Variants in ERC1 observed in about 807,000 individuals in gnomAD.
ERC1 encodes RAB6 interacting protein 2.
ERC1 carries 56 observed loss-of-function variants against 132.0 expected under a neutral mutation model. That is an observed-to-expected ratio of 0.42 (90% CI 0.34 to 0.53). The LOEUF is 0.53. ERC1 is among the 20% of genes least tolerant of loss of function. The pLI is 0.03. For missense variants in ERC1, 1,202 were observed against 1,349.9 expected (o/e 0.89, Z 1.72); for synonymous variants, 478 against 476.1 (o/e 1.00, Z -0.05).
intron 16 of ERC1, 112 bp downstream of exon 16, chr12:1,372,089 A>G: frequency 8.7e-6 from 11 of 1,266,144 alleles, no homozygotes; most frequent in Non-Finnish European, 1.2e-5. Context: ...TAGACATCTG[A>G]TCATTGGAGC....
chr12:1,311,461 G>A (rs2081297537), intron 15 of ERC1, among the ~76,000 whole-genome samples: 1 of 152,180 alleles, frequency 6.6e-6, no homozygotes, highest in Non-Finnish European at 1.5e-5. Flanking sequence ...TAGCAAGAGA[G>A]ATATGCCTTT....
intron 9 of ERC1, among the ~76,000 whole-genome samples, chr12:1,181,078 G>A (rs919570530): frequency 6.6e-6 from 1 of 152,212 alleles, no homozygotes; most frequent in Non-Finnish European, 1.5e-5. Flanking sequence ...CTCCCAAAGT[G>A]TTGGGATTAC....
At chr12:1,152,030 C>G (rs990929348) in intron 8 of ERC1, 1 of 152,156 alleles carries the variant, frequency 6.6e-6, no homozygotes, top group Non-Finnish European at 1.5e-5. Context: ...GAAACCCTGT[C>G]TCTACTGAAA....
chr12:1,150,183 G>A (rs1298646561), intron 8 of ERC1, among the ~76,000 whole-genome samples: 1 of 152,188 alleles, frequency 6.6e-6, no homozygotes, highest in Non-Finnish European at 1.5e-5. Context: ...TCCTACTGAA[G>A]GAACTCAGAT....
intron 17 of ERC1, among the ~76,000 whole-genome samples, chr12:1,420,755 G>A (rs141051926): frequency 0.018 from 2,732 of 152,126 alleles, 46 homozygotes; most frequent in Non-Finnish European, 0.025. Context: ...ATGCCTGGCC[G>A]AGGTTAAACT....
At chr12:1,020,068 A>G (rs971057903) in intron 1 of ERC1, among the ~76,000 whole-genome samples, 3 of 152,156 alleles carry the variant, frequency 2.0e-5, no homozygotes, top group African/African-American at 7.2e-5. Flanking sequence ...AGGACATTTC[A>G]TATTGTGATC....
chr12:1,220,283 C>G (rs1003262874), intron 12 of ERC1, among the ~76,000 whole-genome samples: 9 of 152,138 alleles, frequency 5.9e-5, no homozygotes, highest in African/African-American at 2.2e-4. Context: ...CCCGCCTCCC[C>G]CTTTTAAAAA....
intron 1 of ERC1, among the ~76,000 whole-genome samples, chr12:1,003,764 G>A (rs1962923933): frequency 6.6e-6 from 1 of 152,214 alleles, no homozygotes; most frequent in South Asian, 2.1e-4. Flanking sequence ...GACTCAGACA[G>A]TTTATCTGTT....
chr12:1,062,235 G>A (rs952329190), intron 2 of ERC1, among the ~76,000 whole-genome samples: 7 of 151,990 alleles, frequency 4.6e-5, no homozygotes, highest in East Asian at 1.9e-4. Context: ...TGCCCGCCTC[G>A]GCCCCCGAAG....
At position 1,327,182 on chromosome 12, in the gene ERC1, T is replaced by C. The variant is rs527880182; in HGVS notation, c.2780+37170T>C. 2.2e-4 allele frequency among the ~76,000 whole-genome samples: 33 copies of C among 150,870 alleles called. 1 individual carries two copies. Among genetic ancestry groups the C allele is most frequent in the African/African-American group, 7.9e-4 (32 of 40,262 alleles). ...CAAATTAATTCAAATGTATAACCTC[T>C]TTATGATTTGAGGCCCACTCTGGAA... is the stretch of plus-strand genomic sequence containing the variant. On this transcript the variant is annotated intron_variant, in intron 15 of 18. Coordinates refer to ENST00000360905, the MANE Select transcript of ERC1 (RefSeq NM_178040.4).
chr12:1,316,390 G>A (rs1361033344), intron 15 of ERC1, among the ~76,000 whole-genome samples: 18 of 151,864 alleles, frequency 1.2e-4, no homozygotes, highest in Admixed American at 1.2e-3. Context: ...CATATACCAG[G>A]CATGGCTCTG....
intron 17 of ERC1, among the ~76,000 whole-genome samples, chr12:1,425,136 C>G (rs2092595096): frequency 6.6e-6 from 1 of 152,034 alleles, no homozygotes; most frequent in Non-Finnish European, 1.5e-5. Flanking sequence ...TCTTTGCTGC[C>G]AGGAGTATTA....
chr12:1,337,122 T>C (rs560597500), intron 15 of ERC1, among the ~76,000 whole-genome samples: 1 of 152,218 alleles, frequency 6.6e-6, no homozygotes, highest in South Asian at 2.1e-4. Context: ...GGCCTTAATC[T>C]TTGATCTAAT....
In ERC1 at chr12:1,492,368, G is replaced by C. The variant is rs2094325403; in HGVS notation, c.*2138G>C. On this transcript the variant is annotated 3_prime_UTR_variant, in exon 19 of 19. Coordinates refer to ENST00000360905, the MANE Select transcript of ERC1 (RefSeq NM_178040.4). ...CTCGCTTTATCCACCATAACGTAAA[G>C]AACTGCGGTGTGATAACAGCCTTCA... 4.3e-6 allele frequency: 1 copy of C among 233,114 alleles called. No homozygotes were observed. Among genetic ancestry groups the C allele is most frequent in the African/African-American group, 2.2e-5 (1 of 45,340 alleles). The allele number at this position is 233,114 out of a possible 1,614,324, so 14.4% of individuals were successfully genotyped here. A position where few individuals can be genotyped will look rare whatever the true frequency, so the allele number is the denominator to read the frequency against.
Position 1,090,866 on chromosome 12 carries a change from G to GTTA in ERC1, c.1086+7330_1086+7332dup, listed in dbSNP as rs746269720. ...TATTATTGTTGTTGTTGTTGTTGTTGTTATTATTATTATTATTATTATTAT... is the reference window on the plus strand; with the variant it reads ...TATTATTGTTGTTGTTGTTGTTGTTGTTATTATTATTATTATTATTATTATTAT... On this transcript the variant is annotated intron_variant, in intron 3 of 18. Coordinates refer to ENST00000360905, the MANE Select transcript of ERC1 (RefSeq NM_178040.4). Among the ~76,000 whole-genome samples the GTTA allele has an allele frequency of 6.0e-4, 16 of 26,618 alleles. 6 individuals carry two copies. The highest frequency in any genetic ancestry group is 1.3e-3 in the African/African-American group (12 of 9,484). The allele number at this position is 26,618 out of a possible 152,430, so 17.5% of individuals were successfully genotyped here.
chr12:1,225,759 C>G (rs1273475792), intron 12 of ERC1, among the ~76,000 whole-genome samples: 1 of 152,104 alleles, frequency 6.6e-6, no homozygotes, highest in Non-Finnish European at 1.5e-5. Flanking sequence ...CCCAAATAAC[C>G]AGGCTACTGC....
chr12:1,297,133 A>G (rs1283960521), intron 15 of ERC1, among the ~76,000 whole-genome samples: 1 of 151,926 alleles, frequency 6.6e-6, no homozygotes, highest in Non-Finnish European at 1.5e-5. Context: ...AAGGGAAACT[A>G]TGATAGCTGA....
intron 18 of ERC1, among the ~76,000 whole-genome samples, chr12:1,469,729 T>C (rs981906649): frequency 2.0e-5 from 3 of 152,184 alleles, no homozygotes; most frequent in African/African-American, 7.2e-5. Flanking sequence ...AACAAAATTC[T>C]CTGAGCTTTA....
At chr12:1,255,379 T>G (rs1355172043) in intron 13 of ERC1, among the ~76,000 whole-genome samples, 1 of 152,180 alleles carries the variant, frequency 6.6e-6, no homozygotes, top group Non-Finnish European at 1.5e-5. Flanking sequence ...AAGTCGTTGC[T>G]ATTGTGAACC....
Sources: gnomAD v4.1 joint callset for allele counts (sites outside exome capture counted in the v4.1 genomes callset) on GRCh38, gnomAD v4.1.1 for gene constraint, MANE v1.5 for transcripts, NCBI Gene and HGNC (gene_info 2026-07-23, HGNC 2026-07-21) for gene names.